The following FNDC3A variants were observed in gnomAD, a reference collection of about 807,000 sequenced individuals.
The protein encoded by FNDC3A is fibronectin type-III domain-containing protein 3A.
In FNDC3A, 32 loss-of-function variants were observed where a neutral mutation model predicts 148.9. The ratio of observed to expected loss-of-function variants is 0.21; its 90% CI spans 0.16 to 0.29. The LOEUF (loss-of-function observed/expected upper bound fraction) is 0.29. Among genes scored for constraint, FNDC3A ranks in the 10% least tolerant of loss-of-function variants. The pLI is 1.00. For synonymous variants in FNDC3A, 472 were observed against 473.6 expected (o/e 1.00, Z 0.04); for missense variants, 1,191 against 1,452.8 (o/e 0.82, Z 2.93).
At chr13:49,151,007 A>C (rs996614239) in intron 8 of FNDC3A, among the ~76,000 whole-genome samples, 4 of 152,218 alleles carry the variant, frequency 2.6e-5, no homozygotes, top group African/African-American at 9.6e-5. Context: ...GTCTACCCTA[A>C]AGAATGTTTC....
At chr13:49,192,866 G>GAGC (rs778833726) in intron 19 of FNDC3A, among the ~76,000 whole-genome samples, 2 of 152,098 alleles carry the variant, frequency 1.3e-5, no homozygotes, top group Non-Finnish European at 2.9e-5. Context: ...GCCTACCAGA[G>GAGC]AGCAGTACTG....
At chr13:49,159,224 T>C (rs1883927366) in intron 8 of FNDC3A, among the ~76,000 whole-genome samples, 1 of 152,242 alleles carries the variant, frequency 6.6e-6, no homozygotes, top group Non-Finnish European at 1.5e-5. Context: ...ATGGCCATTT[T>C]CACGATATTG....
At chr13:49,121,818 A>G (rs186738362) in intron 4 of FNDC3A, among the ~76,000 whole-genome samples, 10 of 152,314 alleles carry the variant, frequency 6.6e-5, no homozygotes, top group Non-Finnish European at 1.3e-4. Flanking sequence ...GAATCCCTGA[A>G]TAGACCAATA....
At chr13:49,125,369 G>A (rs1234699008) in intron 4 of FNDC3A, among the ~76,000 whole-genome samples, 1 of 152,150 alleles carries the variant, frequency 6.6e-6, no homozygotes, top group Non-Finnish European at 1.5e-5. Context: ...ACATACTGTT[G>A]TATATGTTTG....
chr13:49,115,181 TGAGG>T (rs1363338887), intron 4 of FNDC3A, among the ~76,000 whole-genome samples: 63 of 90,446 alleles, frequency 7.0e-4, no homozygotes, highest in African/African-American at 3.1e-3. Context: ...CCCTGAGGGA[TGAGG>T]GGGGGGGGGA....
At chr13:49,123,758 T>C (rs1002701877) in intron 4 of FNDC3A, among the ~76,000 whole-genome samples, 7 of 151,890 alleles carry the variant, frequency 4.6e-5, no homozygotes, top group African/African-American at 1.2e-4. Context: ...AAGCTTATCA[T>C]TGGTCATTAG....
At chr13:48,982,309 GA>G (rs1262722933) in intron 1 of FNDC3A, among the ~76,000 whole-genome samples, 3 of 151,748 alleles carry the variant, frequency 2.0e-5, no homozygotes, top group Non-Finnish European at 4.4e-5. Flanking sequence ...CTTATGACTT[GA>G]TTTTTTTCCA....
intron 3 of FNDC3A, among the ~76,000 whole-genome samples, chr13:49,085,295 A>G (rs1186856091): frequency 6.6e-6 from 1 of 152,158 alleles, no homozygotes; most frequent in African/African-American, 2.4e-5. Context: ...CTGTTACCTC[A>G]TGGTAAGTTA....
intron 8 of FNDC3A, among the ~76,000 whole-genome samples, chr13:49,157,582 A>G (rs1883780148): frequency 6.6e-6 from 1 of 151,240 alleles, no homozygotes; most frequent in Admixed American, 6.6e-5. Context: ...GTTCCTTTGG[A>G]GGAGGAGAGG....
chr13:49,006,003 T>C lies in FNDC3A; in HGVS notation c.-39-149T>C, dbSNP rs901720774. 1.0e-5 allele frequency: 4 copies of C among 401,230 alleles called. No individual in the cohort carries two copies. The East Asian group carries it at 1.2e-4, about 12-fold the overall frequency. The allele number at this position is 401,230 out of a possible 1,614,324, so 24.9% of individuals were successfully genotyped here. A position where few individuals can be genotyped will look rare whatever the true frequency, so the allele number is the denominator to read the frequency against. The stretch of plus-strand genomic sequence containing the variant: ...TGTATTTCCTTAAATGGCTTATTGA[T>C]TGGAAAAAAAAGCAGTCAACAGAGT... On this transcript the variant is annotated intron_variant, in intron 1 of 25. Transcript: ENST00000492622.
At chr13:48,978,699 G>A (rs890714064) in intron 1 of FNDC3A, among the ~76,000 whole-genome samples, 3 of 151,634 alleles carry the variant, frequency 2.0e-5, no homozygotes, top group African/African-American at 4.8e-5. Flanking sequence ...ATTGCCTAGC[G>A]GACTTCAAAT....
chr13:49,143,940 C>T (rs1318199594), intron 7 of FNDC3A, among the ~76,000 whole-genome samples: 1 of 151,502 alleles, frequency 6.6e-6, no homozygotes, highest in East Asian at 1.9e-4. Flanking sequence ...AGGCCAGGAG[C>T]TCGAGACCAT....
intron 3 of FNDC3A, among the ~76,000 whole-genome samples, chr13:49,108,425 C>T (rs536145409): frequency 2.3e-4 from 35 of 152,270 alleles, no homozygotes; most frequent in Non-Finnish European, 3.5e-4. Context: ...AGACTACCAA[C>T]ACTGCTTCAG....
intron 2 of FNDC3A, among the ~76,000 whole-genome samples, chr13:49,067,541 A>G (rs1406330203): frequency 6.6e-6 from 1 of 152,184 alleles, no homozygotes; most frequent in Non-Finnish European, 1.5e-5. Flanking sequence ...TGCCTAGTGT[A>G]CCATTATTGG....
At chr13:49,113,699 C>A (rs970193192) in intron 3 of FNDC3A, among the ~76,000 whole-genome samples, 1 of 152,048 alleles carries the variant, frequency 6.6e-6, no homozygotes, top group Non-Finnish European at 1.5e-5. Context: ...TAAGTAATTT[C>A]TTTGAAAAGG....
intron 4 of FNDC3A, among the ~76,000 whole-genome samples, chr13:49,117,283 C>A (rs1260866409): frequency 5.3e-5 from 8 of 152,178 alleles, no homozygotes; most frequent in Non-Finnish European, 1.0e-4. Flanking sequence ...GATTTCTTGA[C>A]ATTTAAGGCT....
chr13:49,160,000 T>G (rs138926950), intron 8 of FNDC3A, among the ~76,000 whole-genome samples: 2,857 of 152,346 alleles, frequency 0.019, 94 homozygotes, highest in African/African-American at 0.064. Context: ...CTTTTTGATG[T>G]GCTGCTGGAT....
intron 2 of FNDC3A, among the ~76,000 whole-genome samples, chr13:49,057,300 G>A (rs908576195): frequency 2.6e-5 from 4 of 152,090 alleles, no homozygotes; most frequent in Admixed American, 2.0e-4. Context: ...TACTAAATGC[G>A]TAGTCTTTAG....
At chr13:49,070,893 TGTTTTG>T (rs1566230796) in intron 2 of FNDC3A, among the ~76,000 whole-genome samples, 14 of 142,618 alleles carry the variant, frequency 9.8e-5, no homozygotes, top group African/African-American at 1.5e-4. Context: ...TTTTTTTTTT[TGTTTTG>T]TTTTTTTTCT....
Sources: gnomAD v4.1 joint callset for allele counts (sites outside exome capture counted in the v4.1 genomes callset) on GRCh38, gnomAD v4.1.1 for gene constraint, MANE v1.5 for transcripts, NCBI Gene and HGNC (gene_info 2026-07-23, HGNC 2026-07-21) for gene names.